MAST4: variants seen among roughly 807,000 people sequenced by gnomAD.
MAST4 encodes microtubule associated serine/threonine kinase family member 4.
A neutral mutation model predicts 162.7 loss-of-function variants in MAST4; 89 were observed. That is an observed-to-expected ratio of 0.55 (90% CI 0.46 to 0.65). The LOEUF (loss-of-function observed/expected upper bound fraction) is 0.65. MAST4 is among the 30% of genes least tolerant of loss of function. MAST4 has a pLI of 0.00. For synonymous variants in MAST4, 1,479 were observed against 1,361.1 expected (o/e 1.09, Z -1.91); for missense variants, 3,153 against 3,374.0 (o/e 0.93, Z 1.62).
intron 1 of MAST4, among the ~76,000 whole-genome samples, chr5:66,742,701 G>C (rs910896773): frequency 2.0e-5 from 3 of 152,172 alleles, no homozygotes; most frequent in African/African-American, 7.2e-5. Flanking sequence ...CTGATTGCAT[G>C]TGAAGGTGGG....
chr5:66,709,101 A>T (rs936047697), intron 1 of MAST4, among the ~76,000 whole-genome samples: 1 of 152,214 alleles, frequency 6.6e-6, no homozygotes, highest in Non-Finnish European at 1.5e-5. Flanking sequence ...TATTATAGAA[A>T]TATTCAGTGA....
chr5:66,928,308 G>A (rs11955965), intron 4 of MAST4, among the ~76,000 whole-genome samples: 6,652 of 152,284 alleles, frequency 0.044, 230 homozygotes, highest in Middle Eastern at 0.068. Context: ...GAGTTCTTCA[G>A]AATGGGGTCC....
At chr5:66,984,971 AAGG>A (rs1749309497) in intron 4 of MAST4, among the ~76,000 whole-genome samples, 1 of 152,218 alleles carries the variant, frequency 6.6e-6, no homozygotes, top group South Asian at 2.1e-4. Flanking sequence ...CTGGAATTCT[AAGG>A]AGAAGTTAGG....
intron 1 of MAST4, among the ~76,000 whole-genome samples, chr5:66,732,357 A>C (rs1355031493): frequency 6.6e-6 from 1 of 151,634 alleles, no homozygotes; most frequent in Non-Finnish European, 1.5e-5. Flanking sequence ...CATACCACCC[A>C]CTTTTCAGGC....
At chr5:66,951,638 G>GTGTGTGTATGTA (rs1744714027) in intron 4 of MAST4, among the ~76,000 whole-genome samples, 1 of 149,394 alleles carries the variant, frequency 6.7e-6, no homozygotes, top group Non-Finnish European at 1.5e-5. Context: ...GTGTGTGTGT[G>GTGTGTGTATGTA]TGTGTGTGTG....
At chr5:67,003,742 A>G (rs1751559834) in intron 4 of MAST4, 1 of 152,164 alleles carries the variant, frequency 6.6e-6, no homozygotes, top group African/African-American at 2.4e-5. Flanking sequence ...AGCCCCCTTC[A>G]TTCTGCCCTT....
At chr5:66,855,634 G>A (rs1454827222) in intron 3 of MAST4, among the ~76,000 whole-genome samples, 3 of 152,140 alleles carry the variant, frequency 2.0e-5, no homozygotes, top group Admixed American at 6.5e-5. Context: ...GATGGGCAAC[G>A]GGAATGTCAT....
Position 66,966,228 on chromosome 5 carries a change from T to C in MAST4, c.674+66246T>C, listed in dbSNP as rs76632024. Among the ~76,000 whole-genome samples the C allele has an allele frequency of 7.4e-3, 1,127 of 152,302 alleles. 38 individuals are homozygous for C. In the East Asian group the frequency reaches 0.11, roughly 15 times the overall value. ...CATACACATGTTGCTCTGAGATCAT[T>C]TATATTGAGTTTTAATTATCTGGTT... On this transcript the variant is annotated intron_variant, in intron 4 of 28. Coordinates refer to ENST00000403625, the MANE Select transcript of MAST4 (RefSeq NM_001164664.2).
rs1227485756 is a variant in MAST4 at position 67,078,911 on chromosome 5, A to AATAAATAAATAT, written c.764-11248_764-11247insAATAAATATATA. Among the ~76,000 whole-genome samples, 64 of 38,102 alleles carry AATAAATAAATAT rather than the reference A, an allele frequency of 1.7e-3. 1 individual carries two copies. The highest frequency in any genetic ancestry group is 4.4e-3 in the South Asian group (5 of 1,124). The allele number at this position is 38,102 out of a possible 152,430, so 25.0% of individuals were successfully genotyped here. A position where few individuals can be genotyped will look rare whatever the true frequency, so the allele number is the denominator to read the frequency against. ...TTATATATTTATATATTTTTATATA[A>AATAAATAAATAT]ATATATATATATATATATATATATA... On this transcript the variant is annotated intron_variant, in intron 5 of 28. Transcript: ENST00000403625.
chr5:66,879,535 T>C (rs1761551548), intron 3 of MAST4, among the ~76,000 whole-genome samples: 1 of 152,160 alleles, frequency 6.6e-6, no homozygotes. Context: ...TGAGACAAAG[T>C]CTCACTCTCT....
At chr5:66,598,778 G>T (rs964840530) in intron 1 of MAST4, among the ~76,000 whole-genome samples, 1 of 152,192 alleles carries the variant, frequency 6.6e-6, no homozygotes, top group Non-Finnish European at 1.5e-5. Context: ...GTGCTCCATG[G>T]TAAGTGACAT....
chr5:66,853,072 T>C (rs1759432341), intron 3 of MAST4, among the ~76,000 whole-genome samples: 2 of 152,230 alleles, frequency 1.3e-5, no homozygotes. Context: ...TATTCTGGTT[T>C]CTATTCCTTA....
chr5:66,906,163 T>C (rs1763339777), intron 4 of MAST4, among the ~76,000 whole-genome samples: 1 of 152,218 alleles, frequency 6.6e-6, no homozygotes, highest in Non-Finnish European at 1.5e-5. Context: ...ACAAAGAGCC[T>C]GTTTTGTCAG....
intron 10 of MAST4, among the ~76,000 whole-genome samples, chr5:67,108,918 AT>A (rs1173648109): frequency 2.6e-5 from 4 of 152,076 alleles, no homozygotes. Flanking sequence ...ATGAAATGTT[AT>A]TTTTTAATCC....
At chr5:66,672,641 C>T (rs138269492) in intron 1 of MAST4, among the ~76,000 whole-genome samples, 8 of 152,254 alleles carry the variant, frequency 5.3e-5, no homozygotes, top group African/African-American at 1.7e-4. Flanking sequence ...CAGTTCTTGT[C>T]TCTTTCTGCC....
chr5:66,871,312 A>C (rs1477971558), intron 3 of MAST4, among the ~76,000 whole-genome samples: 1 of 152,208 alleles, frequency 6.6e-6, no homozygotes, highest in Non-Finnish European at 1.5e-5. Flanking sequence ...TTTTCAATGT[A>C]ATATATTTAC....
intron 11 of MAST4, 69 bp from the exon 12 acceptor site, chr5:67,114,018 G>C: frequency 6.3e-7 from 1 of 1,579,650 alleles, no homozygotes; most frequent in Middle Eastern, 1.7e-4. Flanking sequence ...TTGTGAATGG[G>C]ATTTATGTAA....
intron 4 of MAST4, among the ~76,000 whole-genome samples, chr5:67,014,731 G>T (rs998360604): frequency 1.4e-4 from 21 of 152,148 alleles, no homozygotes; most frequent in Non-Finnish European, 2.4e-4. Flanking sequence ...CCAGTTCTTG[G>T]ATCTTACTGC....
intron 4 of MAST4, chr5:66,916,905 C>T (rs1489461436): frequency 4.3e-6 from 3 of 693,930 alleles, no homozygotes; most frequent in Middle Eastern, 2.3e-4. Flanking sequence ...CCTTTCTCCC[C>T]TCCCCACAAC....
Sources: allele counts gnomAD v4.1 joint callset (sites outside exome capture counted in the v4.1 genomes callset), GRCh38; gene constraint gnomAD v4.1.1; transcripts MANE v1.5; gene names NCBI Gene and HGNC (gene_info 2026-07-23, HGNC 2026-07-21).